The following SFI1 variants were observed in gnomAD, a reference collection of about 807,000 sequenced individuals.
SFI1 encodes the protein SFI1 centrin binding protein.
A neutral mutation model predicts 207.5 loss-of-function variants in SFI1; 195 were observed. The observed-to-expected ratio is 0.94, with a 90% CI of 0.84 to 1.06. SFI1 has a LOEUF of 1.06. Ranked by LOEUF, SFI1 falls within the 50% of genes least tolerant of loss-of-function variation. The pLI is 0.00. For synonymous variants in SFI1, 630 were observed against 598.9 expected, an observed-to-expected ratio of 1.05 and a Z score of -0.76; for missense variants, 1,634 against 1,588.0, an observed-to-expected ratio of 1.03 and a Z score of -0.49.
At chr22:31,568,730 T>C (rs2062658514) in intron 8 of SFI1, among the ~76,000 whole-genome samples, 1 of 151,792 alleles carries the variant, frequency 6.6e-6, no homozygotes, top group Non-Finnish European at 1.5e-5. Flanking sequence ...CAAAAGCTAA[T>C]GGAATTGTGT....
chr22:31,575,535 A>C (rs2063390432), intron 10 of SFI1, 143 bp downstream of exon 10: 1 of 845,914 alleles, frequency 1.2e-6, no homozygotes. Flanking sequence ...ACAGTCTTAA[A>C]ATTTTTGTTT....
chr22:31,613,296 G>C (rs2070721413), intron 25 of SFI1, 58 bp from the exon 26 acceptor site: 1 of 1,606,298 alleles, frequency 6.2e-7, no homozygotes, highest in Non-Finnish European at 8.5e-7. Context: ...AGGGCACCTG[G>C]TCTGTGGGGG....
chr22:31,588,405 T>C (rs1355784406), intron 14 of SFI1, among the ~76,000 whole-genome samples: 1 of 152,234 alleles, frequency 6.6e-6, no homozygotes, highest in Non-Finnish European at 1.5e-5. Context: ...AGTGCCACTT[T>C]TACCATGTGC....
At chr22:31,498,151 C>T (rs745915151) in intron 1 of SFI1, among the ~76,000 whole-genome samples, 38 of 152,068 alleles carry the variant, frequency 2.5e-4, no homozygotes, top group Non-Finnish European at 2.1e-4. Context: ...AAATATTAGC[C>T]GGATGTGGTG....
chr22:31,542,101 TAAAAAAAA>T (rs10651316), intron 4 of SFI1, among the ~76,000 whole-genome samples: 2 of 114,430 alleles, frequency 1.7e-5, no homozygotes, highest in East Asian at 5.3e-4. Flanking sequence ...ACCCCGTCTT[TAAAAAAAA>T]AAAAAAAAAA....
intron 2 of SFI1, among the ~76,000 whole-genome samples, chr22:31,516,930 G>A (rs1303590136): frequency 6.6e-6 from 1 of 151,866 alleles, no homozygotes; most frequent in African/African-American, 2.4e-5. Context: ...CTCCAGCCTG[G>A]GCAACAAGAG....
At chr22:31,518,927 C>G (rs968525631) in intron 2 of SFI1, among the ~76,000 whole-genome samples, 1 of 150,982 alleles carries the variant, frequency 6.6e-6, no homozygotes, top group South Asian at 2.1e-4. Flanking sequence ...AATTCATTGC[C>G]GGAGGAATTA....
chr22:31,564,182 C>T (rs916128755), intron 8 of SFI1, among the ~76,000 whole-genome samples: 3 of 151,326 alleles, frequency 2.0e-5, no homozygotes, highest in Non-Finnish European at 4.4e-5. Flanking sequence ...AAAAAATTAG[C>T]CGGGCGTGGT....
At chr22:31,497,283 A>C (rs1453801127) in intron 1 of SFI1, 1 of 152,230 alleles carries the variant, frequency 6.6e-6, no homozygotes, top group African/African-American at 2.4e-5. Flanking sequence ...GTTTGTAGCA[A>C]GCAGCCCTGC....
chr22:31,556,044 A>T (rs529793316), intron 6 of SFI1, among the ~76,000 whole-genome samples: 1 of 152,230 alleles, frequency 6.6e-6, no homozygotes, highest in East Asian at 1.9e-4. Flanking sequence ...TGAAAATACA[A>T]TTTACCACAA....
At chr22:31,551,221 A>C (rs1197318207) in intron 6 of SFI1, among the ~76,000 whole-genome samples, 1 of 151,890 alleles carries the variant, frequency 6.6e-6, no homozygotes, top group African/African-American at 2.4e-5. Flanking sequence ...AGATCATGAC[A>C]CTCCTTTACG....
At chr22:31,586,767 A>ACGAGCACTCCCCTTGACACAGGGGC (rs2065074918) in intron 14 of SFI1, among the ~76,000 whole-genome samples, 1 of 152,160 alleles carries the variant, frequency 6.6e-6, no homozygotes, top group Admixed American at 6.6e-5. Context: ...TTCCTGGAAA[A>ACGAGCACTCCCCTTGACACAGGGGC]CGAGCACTCC....
chr22:31,502,534 C>A (rs1024145453), intron 1 of SFI1, among the ~76,000 whole-genome samples: 3 of 151,938 alleles, frequency 2.0e-5, no homozygotes, highest in African/African-American at 7.3e-5. Flanking sequence ...CCACCATGCC[C>A]GGCTAATTTT....
chr22:31,613,633 G>C lies in SFI1; in HGVS notation c.2774G>C (p.Arg925Pro), dbSNP rs1256913842. 1.9e-6 allele frequency: 3 copies of C among 1,595,388 alleles called. No homozygotes were observed. The African/African-American group carries it at 4.0e-5, about 21-fold the overall frequency. ...CACAGTCTCCATCGTGCCGTCCGCC[G>C]CTGTGCCACGCTCTGGAAACAGAAA... The part of the protein sequence containing the change: ...AAHSLHRAVR[R>P]CATLWKQKVL... Residue 925 changes from arginine (R) to proline (P), a missense_variant, in exon 27 of 33, where the codon CGC becomes CCC. Arg to Pro is a moderately radical substitution (Grantham distance 103). Transcript: ENST00000400288.
intron 2 of SFI1, among the ~76,000 whole-genome samples, chr22:31,508,763 A>G (rs2055045583): frequency 6.6e-6 from 1 of 152,124 alleles, no homozygotes; most frequent in Non-Finnish European, 1.5e-5. Context: ...GGCACCTTAT[A>G]ACGTGGCAGC....
At chr22:31,593,046 C>A (rs1307336820) in intron 15 of SFI1, among the ~76,000 whole-genome samples, 1 of 138,710 alleles carries the variant, frequency 7.2e-6, no homozygotes, top group African/African-American at 2.8e-5. Context: ...GACCCCCCCA[C>A]CTCCCTCCCG....
intron 6 of SFI1, among the ~76,000 whole-genome samples, chr22:31,552,863 CAG>C (rs112381458): frequency 0.074 from 11,257 of 151,278 alleles, 484 homozygotes; most frequent in Admixed American, 0.15. Flanking sequence ...TTTTTAAAGA[CAG>C]GGGATGTCTT....
intron 1 of SFI1, among the ~76,000 whole-genome samples, chr22:31,503,722 G>A (rs2054186872): frequency 1.3e-5 from 2 of 150,646 alleles, no homozygotes; most frequent in African/African-American, 2.4e-5. Context: ...CAAGTAGCTC[G>A]GATTACAGGC....
chr22:31,613,567 G>C, intron 26 of SFI1, 35 bp from the exon 27 acceptor site: 1 of 1,578,340 alleles, frequency 6.3e-7, no homozygotes, highest in South Asian at 1.1e-5. Context: ...GAGCAGGCAG[G>C]GTGTGGCATG....
Sources: gnomAD v4.1 joint callset for allele counts (sites outside exome capture counted in the v4.1 genomes callset) on GRCh38, gnomAD v4.1.1 for gene constraint, MANE v1.5 for transcripts, NCBI Gene and HGNC (gene_info 2026-07-23, HGNC 2026-07-21) for gene names.